CLINT1: variants seen among roughly 807,000 people sequenced by gnomAD.
CLINT1 encodes clathrin interactor 1.
In CLINT1, 15 loss-of-function variants were observed where a neutral mutation model predicts 70.4. The ratio of observed to expected loss-of-function variants is 0.21; its 90% CI spans 0.14 to 0.33. The LOEUF (loss-of-function observed/expected upper bound fraction) is 0.33, where lower values mean the gene tolerates loss of function less well. CLINT1 is among the 10% of genes least tolerant of loss of function. The pLI is 1.00. For synonymous variants in CLINT1, 227 were observed against 254.7 expected (o/e 0.89, Z 1.04); for missense variants, 615 against 778.1 (o/e 0.79, Z 2.49).
chr5:157,857,170 C>A (rs72814542), intron 1 of CLINT1, among the ~76,000 whole-genome samples: 19,632 of 150,256 alleles, frequency 0.13, 1,515 homozygotes, highest in Non-Finnish European at 0.19. Flanking sequence ...TCACTTGAGC[C>A]CAGGAGTTGG....
At chr5:157,803,433 CA>C (rs1428052315) in intron 8 of CLINT1, among the ~76,000 whole-genome samples, 8 of 151,862 alleles carry the variant, frequency 5.3e-5, no homozygotes, top group Non-Finnish European at 4.4e-5. Context: ...GAGGGTGGGT[CA>C]GAAAAAGGTA....
At chr5:157,809,865 C>T (rs1762502429) in intron 5 of CLINT1, 60 bp from the exon 6 acceptor site, 1 of 1,475,528 alleles carries the variant, frequency 6.8e-7, no homozygotes, top group South Asian at 1.3e-5. Flanking sequence ...AAGGTATCTA[C>T]AAGTCCTTAT....
At chr5:157,795,237 C>T in intron 8 of CLINT1, 1 of 397,622 alleles carries the variant, frequency 2.5e-6, no homozygotes, top group Non-Finnish European at 4.5e-6. Flanking sequence ...TAATATTTCA[C>T]AAGCATAATG....
intron 4 of CLINT1, 65 bp downstream of exon 4, chr5:157,814,120 G>T: frequency 1.0e-6 from 1 of 1,004,992 alleles, no homozygotes; most frequent in South Asian, 1.4e-5. Flanking sequence ...CTTCTAAGCT[G>T]GTTCAGGTGA....
rs911906196 is a variant in CLINT1, at chr5:157,786,607, T to C, written c.*1039A>G. ...CTGCTACAGGTCTCCTTTAACAATA[T>C]ATATTTAACTCCTCTATTGGAACCA... On this transcript the variant is annotated 3_prime_UTR_variant, in exon 12 of 12. Coordinates refer to ENST00000411809, the MANE Select transcript of CLINT1 (RefSeq NM_014666.4). 6.6e-6 allele frequency: 1 copy of C among 152,570 alleles called. No individual in the cohort carries two copies. The highest frequency in any genetic ancestry group is 1.5e-5 in the Non-Finnish European group (1 of 68,022). 9.5% of individuals were successfully genotyped at this position (152,570 alleles called of 1,614,324 possible).
At chr5:157,792,056 A>C (rs1300551415) in intron 9 of CLINT1, 61 bp from the exon 10 acceptor site, 4 of 1,459,358 alleles carry the variant, frequency 2.7e-6, no homozygotes, top group African/African-American at 1.4e-5. Context: ...CAAATGTAAC[A>C]ATCTATGAAC....
At chr5:157,803,218 T>C (rs918431828) in intron 8 of CLINT1, among the ~76,000 whole-genome samples, 26 of 152,174 alleles carry the variant, frequency 1.7e-4, no homozygotes, top group African/African-American at 6.0e-4. Flanking sequence ...ATCTTAAAAA[T>C]TAAAAATGGA....
At chr5:157,845,123 C>T (rs984186204) in intron 1 of CLINT1, among the ~76,000 whole-genome samples, 6 of 152,006 alleles carry the variant, frequency 3.9e-5, no homozygotes, top group Non-Finnish European at 7.4e-5. Context: ...CCAAGGCAGG[C>T]GAATCACTTG....
intron 1 of CLINT1, among the ~76,000 whole-genome samples, chr5:157,824,494 GAAAA>G (rs1762972971): frequency 6.6e-6 from 1 of 151,340 alleles, no homozygotes; most frequent in Non-Finnish European, 1.5e-5. Flanking sequence ...CCACCCATCA[GAAAA>G]AAAAGTCTCT....
chr5:157,829,609 A>G (rs1012997173), intron 1 of CLINT1, among the ~76,000 whole-genome samples: 3 of 150,656 alleles, frequency 2.0e-5, no homozygotes, highest in Admixed American at 1.3e-4. Context: ...TGCAGCCTCA[A>G]CCTCCCTGGG....
At chr5:157,791,124 T>A (rs1259624179) in intron 10 of CLINT1, among the ~76,000 whole-genome samples, 1 of 152,128 alleles carries the variant, frequency 6.6e-6, no homozygotes, top group Non-Finnish European at 1.5e-5. Context: ...AGTGGCGCGA[T>A]CTCAGCTCAC....
intron 8 of CLINT1, among the ~76,000 whole-genome samples, chr5:157,801,685 T>C (rs1275405743): frequency 2.0e-5 from 3 of 151,672 alleles, no homozygotes; most frequent in African/African-American, 7.3e-5. Context: ...ATACAAAAAT[T>C]AGCCAGGCAT....
chr5:157,846,516 A>C (rs998136528), intron 1 of CLINT1, among the ~76,000 whole-genome samples: 2 of 152,256 alleles, frequency 1.3e-5, no homozygotes, highest in Admixed American at 1.3e-4. Context: ...TAAGAAAAGA[A>C]GCCGCCTCCA....
At chr5:157,811,123 A>G (rs1368906891) in intron 5 of CLINT1, among the ~76,000 whole-genome samples, 1 of 152,262 alleles carries the variant, frequency 6.6e-6, no homozygotes, top group African/African-American at 2.4e-5. Flanking sequence ...GGAAAGAAAC[A>G]AATTTACACG....
At chr5:157,799,656 T>C (rs1762158074) in intron 8 of CLINT1, among the ~76,000 whole-genome samples, 2 of 152,006 alleles carry the variant, frequency 1.3e-5, no homozygotes, top group Non-Finnish European at 1.5e-5. Flanking sequence ...AATGGGACAG[T>C]TTTTGGCATT....
intron 1 of CLINT1, among the ~76,000 whole-genome samples, chr5:157,848,111 A>T (rs1419083065): frequency 4.6e-5 from 7 of 152,084 alleles, no homozygotes; most frequent in Admixed American, 1.3e-4. Flanking sequence ...TGGCCAAAAA[A>T]AATTTTTTTT....
chr5:157,839,720 AATCTATCTATCT>A (rs10632085), intron 1 of CLINT1, among the ~76,000 whole-genome samples: 22,676 of 148,418 alleles, frequency 0.15, 2,515 homozygotes, highest in East Asian at 0.53. Flanking sequence ...TTACAACAAA[AATCTATCTATCT>A]ATCTATCTAT....
At chr5:157,794,841 T>C (rs1762019108) in intron 9 of CLINT1, 57 bp downstream of exon 9, 1 of 1,282,042 alleles carries the variant, frequency 7.8e-7, no homozygotes, top group Non-Finnish European at 1.1e-6. Context: ...GAATGGGAGT[T>C]GTTTTTAATA....
Position 157,855,973 on chromosome 5 carries a change from C to T in CLINT1, c.41+2957G>A, listed in dbSNP as rs549837411. Among the ~76,000 whole-genome samples the T allele has an allele frequency of 5.3e-5, 8 of 152,138 alleles. No individual in the cohort carries two copies. The East Asian group carries it at 9.6e-4, about 18-fold the overall frequency. On this transcript the variant is annotated intron_variant, in intron 1 of 11. Coordinates refer to ENST00000411809, the MANE Select transcript of CLINT1 (RefSeq NM_014666.4). The stretch of plus-strand genomic sequence containing the variant: ...GAAATACATCATTACACTTAAGAGC[C>T]GCTACCATACTGAATCTAAGAGTGG...
Sources: allele counts gnomAD v4.1 joint callset (sites outside exome capture counted in the v4.1 genomes callset), GRCh38; gene constraint gnomAD v4.1.1; transcripts MANE v1.5; gene names NCBI Gene and HGNC (gene_info 2026-07-23, HGNC 2026-07-21).